Variants in ZNF469 observed in about 807,000 individuals in gnomAD.
The protein encoded by ZNF469 is zinc finger protein 469.
In ZNF469, 1 loss-of-function variant was observed where a neutral mutation model predicts 1.0. The ratio of observed to expected loss-of-function variants is 1.00; its 90% CI spans 0.35 to 4.73. ZNF469 has a LOEUF of 4.73. Ranked by LOEUF, ZNF469 falls within the 30% of genes most tolerant of loss-of-function variation. The pLI is 0.16. For missense variants in ZNF469, 6,100 were observed against 5,356.3 expected (o/e 1.14, Z -4.33); for synonymous variants, 2,703 against 2,363.4 (o/e 1.14, Z -4.17).
the ZNF469 span, among the ~76,000 whole-genome samples, chr16:88,118,908 G>A: frequency 2.6e-5 from 4 of 152,144 alleles, no homozygotes; most frequent in Admixed American, 6.6e-5. Flanking sequence ...GGTGGTCATC[G>A]GCTGCATTCC....
the ZNF469 span, among the ~76,000 whole-genome samples, chr16:88,376,286 G>A: frequency 6.6e-6 from 1 of 152,244 alleles, no homozygotes; most frequent in Non-Finnish European, 1.5e-5. Flanking sequence ...GTCCCCTGGA[G>A]ACATAATTAC....
At chr16:88,182,956 C>G in the ZNF469 span, among the ~76,000 whole-genome samples, 2 of 152,274 alleles carry the variant, frequency 1.3e-5, no homozygotes, top group Admixed American at 6.5e-5. Context: ...AAGAGACAAA[C>G]CACAGACTAG....
chr16:88,188,399 G>A, the ZNF469 span, among the ~76,000 whole-genome samples: 1 of 152,218 alleles, frequency 6.6e-6, no homozygotes, highest in Admixed American at 6.5e-5. Context: ...CTGGGGGCCT[G>A]GACTGCTGCC....
the ZNF469 span, among the ~76,000 whole-genome samples, chr16:88,256,904 T>TC: frequency 0.012 from 188 of 15,854 alleles, 5 homozygotes; most frequent in African/African-American, 0.036. Context: ...CCTTCTTTCT[T>TC]TCTTTCTTTC....
the ZNF469 span, among the ~76,000 whole-genome samples, chr16:88,160,364 C>A: frequency 1.3e-5 from 2 of 152,168 alleles, no homozygotes; most frequent in Non-Finnish European, 2.9e-5. Context: ...TGCCGGTTTC[C>A]TTGTTAGGGC....
At chr16:88,373,680 G>A in the ZNF469 span, among the ~76,000 whole-genome samples, 89 of 152,304 alleles carry the variant, frequency 5.8e-4, no homozygotes, top group African/African-American at 2.0e-3. Flanking sequence ...CTTCAGGGGA[G>A]GAATCTTGAG....
chr16:88,115,531 C>G, the ZNF469 span, among the ~76,000 whole-genome samples: 1 of 151,804 alleles, frequency 6.6e-6, no homozygotes, highest in African/African-American at 2.4e-5. Flanking sequence ...CCATGGGCTC[C>G]GCTAAAAATA....
At chr16:88,385,864 G>A (rs1027450309) in intron 1 of ZNF469, among the ~76,000 whole-genome samples, 1 of 152,148 alleles carries the variant, frequency 6.6e-6, no homozygotes, top group Non-Finnish European at 1.5e-5. Context: ...GCTGGTGTGT[G>A]GAGCACCCTG....
At chr16:88,312,276 C>T in the ZNF469 span, among the ~76,000 whole-genome samples, 1 of 152,202 alleles carries the variant, frequency 6.6e-6, no homozygotes, top group African/African-American at 2.4e-5. Context: ...ACAGCCAAAG[C>T]CTATCAGTAC....
chr16:88,439,908 C>A lies in ZNF469; in HGVS notation c.*576C>A. The A allele has an allele frequency of 5.8e-6, 1 of 173,292 alleles. No homozygotes were observed. The highest frequency in any genetic ancestry group is 1.2e-5 in the Non-Finnish European group (1 of 80,086). The allele number at this position is 173,292 out of a possible 1,614,324, so 10.7% of individuals were successfully genotyped here. A position where few individuals can be genotyped will look rare whatever the true frequency, so the allele number is the denominator to read the frequency against. On this transcript the variant is annotated 3_prime_UTR_variant, in exon 3 of 3. Transcript: ENST00000565624. ...TCCTCCCTCTGACCACAGGGTCATGCCTCCTCCCTCTGACCACAGGGTCAT... is the reference window on the plus strand; with the variant it reads ...TCCTCCCTCTGACCACAGGGTCATGACTCCTCCCTCTGACCACAGGGTCAT...
At chr16:88,212,127 C>T in the ZNF469 span, among the ~76,000 whole-genome samples, 646 of 152,258 alleles carry the variant, frequency 4.2e-3, 3 homozygotes, top group Non-Finnish European at 5.6e-3. Context: ...CTATTTTTGT[C>T]TGGAGGACCC....
intron 1 of ZNF469, among the ~76,000 whole-genome samples, chr16:88,412,337 G>A (rs901320206): frequency 6.6e-6 from 1 of 152,040 alleles, no homozygotes; most frequent in East Asian, 1.9e-4. Flanking sequence ...GTGACTGCAG[G>A]CACCTCGCTT....
Position 88,434,913 on chromosome 16 carries a change from C to T in ZNF469, c.7443C>T (p.Phe2481=), listed in dbSNP as rs1906461036. ...CCTGTGAGGTCTGCGCAGCCTCCTTCCGCTCCGGGCCGGGCCTGAGCCGGC... is the reference window on the plus strand; with the variant it reads ...CCTGTGAGGTCTGCGCAGCCTCCTTTCGCTCCGGGCCGGGCCTGAGCCGGC... ...PVTCEVCAAS[F]RSGPGLSRHK... is the part of the protein sequence containing the mutation. Residue 2481 remains phenylalanine (F), a synonymous_variant, in exon 3 of 3, where the codon TTC becomes TTT. Coordinates refer to ENST00000565624, the MANE Select transcript of ZNF469 (RefSeq NM_001367624.2). 6.5e-7 allele frequency: 1 copy of T among 1,550,274 alleles called. No individual in the cohort carries two copies. Among genetic ancestry groups the T allele is most frequent in the Non-Finnish European group, 8.7e-7 (1 of 1,146,994 alleles).
chr16:88,233,085 C>T, the ZNF469 span, among the ~76,000 whole-genome samples: 2 of 152,178 alleles, frequency 1.3e-5, no homozygotes, highest in Non-Finnish European at 2.9e-5. Context: ...TCCTTCCAGC[C>T]GTTCAAGGAC....
the ZNF469 span, among the ~76,000 whole-genome samples, chr16:88,300,019 T>G: frequency 6.6e-6 from 1 of 152,050 alleles, no homozygotes; most frequent in Non-Finnish European, 1.5e-5. Context: ...ACGGCACGGC[T>G]AGGGGGACGC....
chr16:88,410,017 G>T (rs112019096), intron 1 of ZNF469, among the ~76,000 whole-genome samples: 12 of 152,004 alleles, frequency 7.9e-5, no homozygotes, highest in African/African-American at 2.7e-4. Context: ...TCCAGTGGAC[G>T]ATGAGAGTCA....
chr16:88,411,184 C>G (rs564032948), intron 1 of ZNF469, among the ~76,000 whole-genome samples: 5 of 152,334 alleles, frequency 3.3e-5, no homozygotes, highest in African/African-American at 1.2e-4. Flanking sequence ...CAGCCCACAC[C>G]TCACAATTCC....
the ZNF469 span, among the ~76,000 whole-genome samples, chr16:88,355,925 G>T: frequency 6.6e-6 from 1 of 152,054 alleles, no homozygotes; most frequent in African/African-American, 2.4e-5. Context: ...TGCCGTGGGG[G>T]TCCTGCACAA....
At chr16:88,166,009 C>T in the ZNF469 span, among the ~76,000 whole-genome samples, 8 of 152,218 alleles carry the variant, frequency 5.3e-5, no homozygotes, top group South Asian at 2.1e-4. The surrounding 1 kb of genome is among the most constrained non-coding windows in gnomAD (Gnocchi z 4.5). Context: ...ACCCCAGAAG[C>T]GGGCACTATT....
Sources: gnomAD v4.1 joint callset for allele counts (sites outside exome capture counted in the v4.1 genomes callset) on GRCh38, gnomAD v4.1.1 for gene constraint, Gnocchi (gnomAD v3.1) non-coding constraint, MANE v1.5 for transcripts, NCBI Gene and HGNC (gene_info 2026-07-23, HGNC 2026-07-21) for gene names.